The following SHLD2 variants were observed in gnomAD, a reference collection of about 807,000 sequenced individuals.
SHLD2 encodes the protein RINN1-REV7-interacting novel NHEJ regulator 2.
Under a neutral mutation model 73.2 loss-of-function variants are expected in SHLD2, and 30 were observed. The observed-to-expected ratio is 0.41, with a 90% CI of 0.31 to 0.56. SHLD2 has a LOEUF of 0.56. Ranked by LOEUF, SHLD2 falls within the 20% of genes least tolerant of loss-of-function variation. The pLI, the probability that SHLD2 is intolerant of heterozygous loss-of-function variation, is 0.28. For synonymous variants in SHLD2, 285 were observed against 370.1 expected (o/e 0.77, Z 2.64); for missense variants, 745 against 1,055.9 (o/e 0.71, Z 4.08).
chr10:87,187,264 A>G, intron 9 of SHLD2, 64 bp downstream of exon 9: 2 of 967,658 alleles, frequency 2.1e-6, no homozygotes, highest in Non-Finnish European at 3.4e-6. Flanking sequence ...ATATCGGAAC[A>G]GAAAGAGCAC....
At chr10:87,153,089 C>G (rs539300107) in intron 3 of SHLD2, among the ~76,000 whole-genome samples, 1 of 152,288 alleles carries the variant, frequency 6.6e-6, no homozygotes, top group African/African-American at 2.4e-5. Flanking sequence ...TTCTATCCTT[C>G]TCAGCTCTGT....
intron 2 of SHLD2, among the ~76,000 whole-genome samples, chr10:87,120,975 G>A (rs1298838557): frequency 2.0e-5 from 3 of 152,020 alleles, no homozygotes; most frequent in Admixed American, 6.6e-5. Context: ...GCTTGAACCC[G>A]GGAGGCAGAG....
chr10:87,171,033 GA>G, intron 6 of SHLD2, 59 bp downstream of exon 6: 1 of 784,906 alleles, frequency 1.3e-6, no homozygotes, highest in Non-Finnish European at 2.1e-6. Context: ...TAATGTTTAT[GA>G]GCCCAAGATG....
intron 2 of SHLD2, among the ~76,000 whole-genome samples, chr10:87,148,201 C>T (rs1270001488): frequency 6.6e-6 from 1 of 152,164 alleles, no homozygotes; most frequent in Non-Finnish European, 1.5e-5. Context: ...AGAAATTAAG[C>T]TCCTTAAAGC....
rs2134335153 is a variant in SHLD2 at position 87,152,882 on chromosome 10, G to A, written c.1525+3G>A. The A allele has an allele frequency of 3.1e-6, 5 of 1,610,838 alleles. No individual in the cohort carries two copies. The East Asian group carries it at 1.1e-4, about 36-fold the overall frequency. On this transcript the variant is annotated splice_donor_region_variant and intron_variant, in intron 3 of 9. Coordinates refer to ENST00000298786, the MANE Select transcript of SHLD2 (RefSeq NM_001330112.2). ...TGGAGATATAATTTTACTCACAGGT[G>A]AGGTCATTATGGTATAGTGGTAGCT... is the stretch of plus-strand genomic sequence containing the variant.
At chr10:87,108,279 C>A (rs1842723199) in intron 2 of SHLD2, among the ~76,000 whole-genome samples, 1 of 152,172 alleles carries the variant, frequency 6.6e-6, no homozygotes, top group Middle Eastern at 3.2e-3. Flanking sequence ...GAACTCCGGA[C>A]CTCAGGTGAT....
At chr10:87,099,074 C>T (rs1157460662) in intron 2 of SHLD2, among the ~76,000 whole-genome samples, 1 of 152,232 alleles carries the variant, frequency 6.6e-6, no homozygotes, top group Non-Finnish European at 1.5e-5. Flanking sequence ...CCATGCCTCA[C>T]ACAATAAAGT....
At chr10:87,164,838 G>A (rs1377218503) in intron 4 of SHLD2, among the ~76,000 whole-genome samples, 1 of 152,048 alleles carries the variant, frequency 6.6e-6, no homozygotes, top group Non-Finnish European at 1.5e-5. Flanking sequence ...GGAAGAGAGA[G>A]CTCTTCCTTC....
chr10:87,127,547 T>C (rs4933428), intron 2 of SHLD2, among the ~76,000 whole-genome samples: 43,028 of 74,954 alleles, frequency 0.57, 12,908 homozygotes, highest in East Asian at 0.75. Flanking sequence ...CCACCCCGTC[T>C]GCCACCCCCC....
At position 87,191,291 on chromosome 10, in the gene SHLD2, A is replaced by G. The variant is rs1849047610; in HGVS notation, c.*608A>G. On this transcript the variant is annotated 3_prime_UTR_variant, in exon 10 of 10. Coordinates refer to ENST00000298786, the MANE Select transcript of SHLD2 (RefSeq NM_001330112.2). ...AGGATTTGAGTGCCTTACTGAATGC[A>G]TTTACCAGCAAACATGTAGCAATCT... The G allele has an allele frequency of 6.4e-6, 1 of 157,134 alleles. No homozygotes were observed. Among genetic ancestry groups the G allele is most frequent in the African/African-American group, 2.4e-5 (1 of 41,424 alleles). 9.7% of individuals were successfully genotyped at this position (157,134 alleles called of 1,614,324 possible).
rs529716367 is a variant in SHLD2, at chr10:87,189,568, C to A, written c.2516-916C>A. 6.1e-3 allele frequency among the ~76,000 whole-genome samples: 921 copies of A among 151,920 alleles called. 13 individuals are homozygous for A. The highest frequency in any genetic ancestry group is 0.021 in the African/African-American group (866 of 41,452). The stretch of plus-strand genomic sequence containing the variant: ...AAGTTATTGTAGAGAATTATCATAC[C>A]CCCCAAAATATGTCATTGGTCCTCC... On this transcript the variant is annotated intron_variant, in intron 9 of 9. Coordinates refer to ENST00000298786, the MANE Select transcript of SHLD2 (RefSeq NM_001330112.2).
At chr10:87,149,810 T>A (rs1845884605) in intron 2 of SHLD2, among the ~76,000 whole-genome samples, 1 of 152,068 alleles carries the variant, frequency 6.6e-6, no homozygotes, top group African/African-American at 2.4e-5. Context: ...CTCACTGCAA[T>A]GTCCGCCTCT....
intron 8 of SHLD2, among the ~76,000 whole-genome samples, chr10:87,181,426 T>C (rs1200176319): frequency 6.6e-6 from 1 of 152,252 alleles, no homozygotes; most frequent in East Asian, 1.9e-4. Flanking sequence ...ACAAACAACA[T>C]TGATTTATTA....
chr10:87,173,899 G>A (rs1425341679), intron 6 of SHLD2, among the ~76,000 whole-genome samples: 1 of 152,166 alleles, frequency 6.6e-6, no homozygotes, highest in Non-Finnish European at 1.5e-5. Context: ...GTTCTTACAA[G>A]TAATTGAAAA....
chr10:87,147,077 A>G lies in SHLD2; in HGVS notation c.-5-4273A>G, dbSNP rs571078987. Among the ~76,000 whole-genome samples the G allele has an allele frequency of 2.5e-4, 36 of 141,212 alleles. No individual in the cohort carries two copies. In the East Asian group the frequency reaches 4.7e-3, roughly 19 times the overall value. 92.6% of individuals were successfully genotyped at this position (141,212 alleles called of 152,430 possible). A position where few individuals can be genotyped will look rare whatever the true frequency, so the allele number is the denominator to read the frequency against. ...GTCTCAAAAAAAAAAAAAAAGAAAA[A>G]AAAAAAAAAAACAAAAAAACCTTGT... On this transcript the variant is annotated intron_variant, in intron 2 of 9. Transcript: ENST00000298786.
At chr10:87,111,044 A>T (rs1431754878) in intron 2 of SHLD2, among the ~76,000 whole-genome samples, 1 of 152,038 alleles carries the variant, frequency 6.6e-6, no homozygotes, top group Non-Finnish European at 1.5e-5. Context: ...GGGTTTCACC[A>T]TATTGGCCAG....
chr10:87,138,548 C>T (rs896467306), intron 2 of SHLD2, among the ~76,000 whole-genome samples: 6 of 152,054 alleles, frequency 3.9e-5, no homozygotes, highest in African/African-American at 1.4e-4. Context: ...GTGGGTTTTA[C>T]AGCATATATG....
chr10:87,188,519 C>G (rs887774832), intron 9 of SHLD2, among the ~76,000 whole-genome samples: 2 of 152,144 alleles, frequency 1.3e-5, no homozygotes, highest in Non-Finnish European at 2.9e-5. Flanking sequence ...TGCCCTGCCC[C>G]CAGTCTTATG....
At chr10:87,165,797 T>C (rs1033035146) in intron 4 of SHLD2, among the ~76,000 whole-genome samples, 3 of 152,228 alleles carry the variant, frequency 2.0e-5, no homozygotes, top group African/African-American at 4.8e-5. Context: ...TTAACATTAG[T>C]TTCCTGTTTA....
Sources: allele counts gnomAD v4.1 joint callset (sites outside exome capture counted in the v4.1 genomes callset), GRCh38; gene constraint gnomAD v4.1.1; transcripts MANE v1.5; gene names NCBI Gene and HGNC (gene_info 2026-07-23, HGNC 2026-07-21).